Variants in TNS2 observed in about 807,000 individuals in gnomAD.
TNS2 encodes the protein tensin 2, also known as tensin-2.
TNS2 carries 77 observed loss-of-function variants against 155.7 expected under a neutral mutation model. The observed-to-expected ratio is 0.49, with a 90% CI of 0.41 to 0.60. The LOEUF (loss-of-function observed/expected upper bound fraction) is 0.60. Among genes scored for constraint, TNS2 ranks in the 20% least tolerant of loss-of-function variants. TNS2 has a pLI of 0.00. For missense variants in TNS2, 1,703 were observed against 1,868.8 expected (o/e 0.91, Z 1.64); for synonymous variants, 726 against 763.9 (o/e 0.95, Z 0.82).
Position 53,052,406 on chromosome 12 carries a change from C to G in TNS2, c.185-49C>G, listed in dbSNP as rs749881377. 15 of 1,611,258 alleles carry G rather than the reference C, an allele frequency of 9.3e-6. No homozygotes were observed. The South Asian group carries it at 1.6e-4, about 18-fold the overall frequency. On this transcript the variant is annotated intron_variant, in intron 2 of 28. Coordinates refer to ENST00000314250, the MANE Select transcript of TNS2 (RefSeq NM_170754.4). Reference sequence around the variant, plus strand: ...AGATGAGGGAAGGCCATTCCTTCCACTGTCCCACAGGCCCCTGCTAACCCC... The same window carrying G: ...AGATGAGGGAAGGCCATTCCTTCCAGTGTCCCACAGGCCCCTGCTAACCCC...
At position 53,063,332 on chromosome 12, in the gene TNS2, C is replaced by G; in HGVS notation, c.3993-17C>G. ...TCATGTTTCTGAGTGTGACCTTCCT[C>G]ACCCTCCTCCTTGCAGGCTCTTCTT... is the stretch of plus-strand genomic sequence containing the variant. On this transcript the variant is annotated splice_polypyrimidine_tract_variant and intron_variant, in intron 26 of 28. Coordinates refer to ENST00000314250, the MANE Select transcript of TNS2 (RefSeq NM_170754.4). This position sits in a 1 kb window ranked among gnomAD's most constrained non-coding sequence, Gnocchi z 5.6. The G allele has an allele frequency of 6.2e-7, 1 of 1,614,036 alleles. No homozygotes were observed. Among genetic ancestry groups the G allele is most frequent in the Non-Finnish European group, 8.5e-7 (1 of 1,179,970 alleles).
upstream of TNS2, chr12:53,049,195 C>T (rs1406786685): frequency 1.2e-6 from 2 of 1,601,522 alleles, no homozygotes; most frequent in South Asian, 1.1e-5. Flanking sequence ...GTCCAGTCCT[C>T]AGGCCCTGGG....
intron 21 of TNS2, 114 bp downstream of exon 21, chr12:53,061,583 CTCTT>C: frequency 7.3e-7 from 1 of 1,373,746 alleles, no homozygotes; most frequent in Non-Finnish European, 1.0e-6. Context: ...GCTGTGTTTA[CTCTT>C]GGCTGAGTGT....
Position 53,060,179 on chromosome 12 carries a change from C to T in TNS2, c.2538C>T (p.Tyr846=), listed in dbSNP as rs765684773. The T allele has an allele frequency of 1.0e-5, 16 of 1,602,516 alleles. No individual in the cohort carries two copies. The Middle Eastern group carries it at 8.3e-4, about 83-fold the overall frequency. The part of the protein sequence containing the change: ...PPYPQSRKLS[Y]EIPTEEGGDR... ...ATCCACAATCTAGGAAGCTGAGCTA[C>T]GAGATCCCTACGGAGGAGGGAGGGG... The change falls in exon 18 of 29, where the codon TAC becomes TAT. Residue 846 remains tyrosine (Y), a synonymous_variant. Coordinates refer to ENST00000314250, the MANE Select transcript of TNS2 (RefSeq NM_170754.4). This position sits in a 1 kb window ranked among gnomAD's most constrained non-coding sequence, Gnocchi z 6.1.
At position 53,059,963 on chromosome 12, in the gene TNS2, C is replaced by T. The variant is rs553620917; in HGVS notation, c.2322C>T (p.Pro774=). 2.3e-4 allele frequency: 375 copies of T among 1,612,798 alleles called. 3 individuals carry two copies. The South Asian group carries it at 3.7e-3, about 16-fold the overall frequency. ...GHEGCSYTMC[P]EGRYGHPGYP... ...AGGGCTGCTCCTACACCATGTGCCC[C>T]GAAGGCAGGTATGGGCATCCAGGGT... Residue 774 remains proline (P), a synonymous_variant, in exon 18 of 29, where the codon CCC becomes CCT. Transcript: ENST00000314250. This position sits in a 1 kb window ranked among gnomAD's most constrained non-coding sequence, Gnocchi z 4.7.
In TNS2 at chr12:53,059,822, C is replaced by G. The variant is rs772887413; in HGVS notation, c.2181C>G (p.His727Gln). The G allele has an allele frequency of 2.5e-6, 4 of 1,612,924 alleles. No individual in the cohort carries two copies. The South Asian group carries it at 4.4e-5, about 18-fold the overall frequency. The change falls in exon 18 of 29, where the codon CAC becomes CAG. Residue 727 changes from histidine to glutamine, a missense_variant. Transcript: ENST00000314250. This position sits in a 1 kb window ranked among gnomAD's most constrained non-coding sequence, Gnocchi z 4.7. The stretch of plus-strand genomic sequence containing the variant: ...GTGAGGCTGGCAAGCCTCTCCTGCA[C>G]CCAGTGCGGCCTGGGCACCCGCTGC... ...WASEAGKPLLHPVRPGHPLPL... is the reference protein window; with the variant it reads ...WASEAGKPLLQPVRPGHPLPL...
At position 53,051,845 on chromosome 12, in the gene TNS2, C is replaced by T. The variant is rs377428965; in HGVS notation, c.76-10C>T. On this transcript the variant is annotated splice_polypyrimidine_tract_variant and intron_variant, in intron 1 of 28. Transcript: ENST00000314250. ...GGAACTCACACCTCTGTTTGTCCCT[C>T]CACCTTCAGCCTAGGAAAGCTGAGC... is the stretch of plus-strand genomic sequence containing the variant. The T allele has an allele frequency of 6.2e-7, 1 of 1,608,582 alleles. No individual in the cohort carries two copies. Among genetic ancestry groups the T allele is most frequent in the Admixed American group, 1.7e-5 (1 of 59,426 alleles).
chr12:53,054,540 A>C, intron 7 of TNS2, 99 bp downstream of exon 7: 1 of 567,052 alleles, frequency 1.8e-6, no homozygotes, highest in Non-Finnish European at 2.5e-6. Context: ...CGAGGCCGCC[A>C]GGGGGCGGGA....
In TNS2 at chr12:53,050,233, G is replaced by A. The variant is rs1187714166; in HGVS notation, c.48G>A (p.Arg16=). 6.8e-6 allele frequency: 11 copies of A among 1,610,414 alleles called. No individual in the cohort carries two copies. The highest frequency in any genetic ancestry group is 8.5e-6 in the Non-Finnish European group (10 of 1,179,164). ...PVERLLRALG[R]RDSSRAASRP... ...AGAGGCTGCTCAGAGCCCTGGGGAGGAGGGACAGCAGCCGGGCCGCAAGCA... is the reference window on the plus strand; with the variant it reads ...AGAGGCTGCTCAGAGCCCTGGGGAGAAGGGACAGCAGCCGGGCCGCAAGCA... Residue 16 remains arginine, a synonymous_variant, in exon 1 of 29, where the codon AGG becomes AGA. Transcript: ENST00000314250. This position sits in a 1 kb window ranked among gnomAD's most constrained non-coding sequence, Gnocchi z 4.7.
chr12:53,056,069 A>G, intron 10 of TNS2: 1 of 513,816 alleles, frequency 1.9e-6, no homozygotes. Context: ...AAAACAGTGG[A>G]AATGGGCCGG....
At chr12:53,049,307 C>G (rs1204301424), upstream of TNS2, 6 of 1,450,102 alleles carry the variant, frequency 4.1e-6, no homozygotes, top group African/African-American at 8.5e-5. Context: ...GGTAGAGAGC[C>G]CAAGTTGCAG....
chr12:53,056,901 C>A, intron 10 of TNS2, 112 bp from the exon 11 acceptor site: 1 of 1,014,268 alleles, frequency 9.9e-7, no homozygotes, highest in Non-Finnish European at 1.5e-6. Flanking sequence ...CTACTCTGGG[C>A]TTCTTCTAGA....
chr12:53,063,569 C>T lies in TNS2; in HGVS notation c.4068C>T (p.Thr1356=), dbSNP rs1449506076. The T allele has an allele frequency of 6.2e-7, 1 of 1,614,070 alleles. No homozygotes were observed. The highest frequency in any genetic ancestry group is 8.5e-7 in the Non-Finnish European group (1 of 1,179,998). ...SSTDPQDRRW[T]NPDGTTSKIF... ...CCTTCTTCTCCTTCTGCAGATGGACCAACCCAGACGGGACCACCTCCAAGT... is the reference window on the plus strand; with the variant it reads ...CCTTCTTCTCCTTCTGCAGATGGACTAACCCAGACGGGACCACCTCCAAGT... The change falls in exon 28 of 29, where the codon ACC becomes ACT. Residue 1356 remains threonine, a synonymous_variant. Transcript: ENST00000314250. This position sits in a 1 kb window ranked among gnomAD's most constrained non-coding sequence, Gnocchi z 5.6.
At chr12:53,051,083 C>T (rs561265085) in intron 1 of TNS2, among the ~76,000 whole-genome samples, 13 of 152,284 alleles carry the variant, frequency 8.5e-5, no homozygotes, top group Non-Finnish European at 1.3e-4. Context: ...ATCCCAGGCT[C>T]CTGCCTCACT....
intron 17 of TNS2, 50 bp downstream of exon 17, chr12:53,058,877 TG>T (rs746396786): frequency 6.9e-6 from 11 of 1,583,682 alleles, no homozygotes; most frequent in South Asian, 5.5e-5. Flanking sequence ...GGCGGGACCC[TG>T]GGGGGTGGTG....
Position 53,053,410 on chromosome 12 carries a change from G to A in TNS2, c.223-1G>A. 1 of 1,614,066 alleles carries A rather than the reference G, an allele frequency of 6.2e-7. No homozygotes were observed. Among genetic ancestry groups the A allele is most frequent in the Non-Finnish European group, 8.5e-7 (1 of 1,179,974 alleles). The stretch of plus-strand genomic sequence containing the variant: ...CAGTTCCTTACTCGGTCCCCTTCCA[G>A]GTGACTTCAGCCTGTCAGGCCTTGC... On this transcript the variant is annotated splice_acceptor_variant, in intron 3 of 28. Transcript: ENST00000314250. LOFTEE classifies it high-confidence loss of function.
rs1264091493 is a variant in TNS2 at position 53,059,040 on chromosome 12, C to T, written c.1406-7C>T. 2.0e-6 allele frequency: 3 copies of T among 1,535,946 alleles called. No homozygotes were observed. The highest frequency in any genetic ancestry group is 2.3e-5 in the East Asian group (1 of 44,192). ...GCCCTCCCTCCCTGATCCTCTTCCCCACTCAGGCTCCTTGACCCACACCCG... is the reference window on the plus strand; with the variant it reads ...GCCCTCCCTCCCTGATCCTCTTCCCTACTCAGGCTCCTTGACCCACACCCG... On this transcript the variant is annotated splice_region_variant and splice_polypyrimidine_tract_variant and intron_variant, in intron 17 of 28. Transcript: ENST00000314250. This position sits in a 1 kb window ranked among gnomAD's most constrained non-coding sequence, Gnocchi z 4.7.
chr12:53,057,412 G>A (rs1224189487), intron 11 of TNS2, among the ~76,000 whole-genome samples, 155 bp from the exon 12 acceptor site: 1 of 152,208 alleles, frequency 6.6e-6, no homozygotes, highest in Non-Finnish European at 1.5e-5. Context: ...AGGAGGGATT[G>A]AGGTTAGATG....
In TNS2 at chr12:53,054,352, T is replaced by C. The variant is rs370557050; in HGVS notation, c.433T>C (p.Phe145Leu). Residue 145 changes from phenylalanine to leucine, a missense_variant, in exon 7 of 29, where the codon TTC (phenylalanine) becomes CTC (leucine). Physicochemically the swap from Phe to Leu is conservative, Grantham distance 22. Transcript: ENST00000314250. ...GACGGAGCGCATCTTGGCCGCCGCC[T>C]TCCCCGCGCGGCCCGATGAACAGCG... is the stretch of plus-strand genomic sequence containing the variant. ...YVTERILAAA[F>L]PARPDEQRHR... 6.2e-6 allele frequency: 10 copies of C among 1,612,758 alleles called. No homozygotes were observed. Among genetic ancestry groups the C allele is most frequent in the Non-Finnish European group, 8.5e-6 (10 of 1,179,820 alleles).
Sources: allele counts gnomAD v4.1 joint callset (sites outside exome capture counted in the v4.1 genomes callset), GRCh38; gene constraint gnomAD v4.1.1; non-coding constraint Gnocchi (gnomAD v3.1); transcripts MANE v1.5; gene names NCBI Gene and HGNC (gene_info 2026-07-23, HGNC 2026-07-21).